The following CCDC171 variants were observed in gnomAD, a reference collection of about 807,000 sequenced individuals.
CCDC171 encodes the protein coiled-coil domain-containing protein 171.
CCDC171 carries 177 observed loss-of-function variants against 168.2 expected under a neutral mutation model. That is an observed-to-expected ratio of 1.05 (90% confidence interval 0.93 to 1.19). The LOEUF is 1.19. CCDC171 is among the 50% of genes most tolerant of loss of function. CCDC171 has a pLI of 0.00. For missense variants in CCDC171, 1,991 were observed against 1,539.0 expected (o/e 1.29, Z -4.91); for synonymous variants, 687 against 540.8 (o/e 1.27, Z -3.75).
intron 23 of CCDC171, among the ~76,000 whole-genome samples, chr9:15,872,747 A>T (rs570421154): frequency 6.6e-6 from 1 of 152,044 alleles, no homozygotes; most frequent in Non-Finnish European, 1.5e-5. Context: ...ACTGTGGTTC[A>T]GAAGGGTAGA....
At chr9:16,078,091 C>G in the CCDC171 span, among the ~76,000 whole-genome samples, 1 of 135,774 alleles carries the variant, frequency 7.4e-6, no homozygotes, top group Non-Finnish European at 1.5e-5. Context: ...CACACACACA[C>G]ACACACACTC....
chr9:15,634,482 C>G (rs1356604532), intron 7 of CCDC171, among the ~76,000 whole-genome samples: 1 of 152,150 alleles, frequency 6.6e-6, no homozygotes, highest in East Asian at 1.9e-4. Context: ...CTCTTCCTCT[C>G]TCTCCATGTG....
chr9:15,661,361 T>C (rs1244536600), intron 8 of CCDC171, among the ~76,000 whole-genome samples: 2 of 151,430 alleles, frequency 1.3e-5, no homozygotes, highest in African/African-American at 4.9e-5. Flanking sequence ...ATGAAAAAAA[T>C]GTAATTTCAA....
chr9:16,068,664 A>T, the CCDC171 span, among the ~76,000 whole-genome samples: 1 of 151,986 alleles, frequency 6.6e-6, no homozygotes, highest in Non-Finnish European at 1.5e-5. Flanking sequence ...CAAACGAGTG[A>T]ATCTACGTAA....
chr9:16,090,776 T>G, the CCDC171 span, among the ~76,000 whole-genome samples: 2 of 152,188 alleles, frequency 1.3e-5, no homozygotes, highest in Non-Finnish European at 2.9e-5. Context: ...AGGAGCTATA[T>G]TCTGATATAA....
At chr9:15,578,277 C>T (rs2040833623) in intron 3 of CCDC171, among the ~76,000 whole-genome samples, 1 of 149,714 alleles carries the variant, frequency 6.7e-6, no homozygotes, top group South Asian at 2.1e-4. Context: ...CTCTGTCCTT[C>T]AGGATGGAGT....
chr9:15,642,174 A>G (rs2046663633), intron 7 of CCDC171, among the ~76,000 whole-genome samples: 1 of 151,814 alleles, frequency 6.6e-6, no homozygotes, highest in South Asian at 2.1e-4. Context: ...AACAAAAAAA[A>G]AGGACTGTTG....
At chr9:15,801,634 T>C (rs537417686) in intron 21 of CCDC171, among the ~76,000 whole-genome samples, 1 of 152,140 alleles carries the variant, frequency 6.6e-6, no homozygotes, top group South Asian at 2.1e-4. Context: ...TTGCTCGAGC[T>C]AGGACTTCCA....
intron 25 of CCDC171, among the ~76,000 whole-genome samples, chr9:15,968,166 T>A (rs1205179451): frequency 6.6e-6 from 1 of 152,208 alleles, no homozygotes; most frequent in Non-Finnish European, 1.5e-5. Flanking sequence ...ATTGAGTAAA[T>A]AAAAGTGCTT....
intron 11 of CCDC171, among the ~76,000 whole-genome samples, chr9:15,714,993 G>T (rs1446719971): frequency 6.6e-6 from 1 of 152,184 alleles, no homozygotes; most frequent in Non-Finnish European, 1.5e-5. Flanking sequence ...GTCTCTGGAA[G>T]TTAATTGCTA....
At chr9:15,799,135 C>CATATAAATATATAT (rs1554820190) in intron 21 of CCDC171, among the ~76,000 whole-genome samples, 1 of 109,024 alleles carries the variant, frequency 9.2e-6, no homozygotes, top group African/African-American at 3.5e-5. Context: ...TCATCATTGC[C>CATATAAATATATAT]ATATATATAT....
chr9:15,686,007 G>T (rs1030743224), intron 10 of CCDC171, among the ~76,000 whole-genome samples: 22 of 151,904 alleles, frequency 1.4e-4, no homozygotes, highest in Admixed American at 1.4e-3. Context: ...AATCTTTTCT[G>T]CCTAATTTGA....
intron 7 of CCDC171, among the ~76,000 whole-genome samples, chr9:15,642,703 CA>C (rs896542687): frequency 1.8e-4 from 28 of 152,052 alleles, no homozygotes; most frequent in African/African-American, 6.5e-4. Context: ...TTGATAGTTT[CA>C]GTAATAATAA....
At chr9:15,938,374 A>T (rs947728588) in intron 25 of CCDC171, among the ~76,000 whole-genome samples, 10 of 151,996 alleles carry the variant, frequency 6.6e-5, no homozygotes, top group Admixed American at 3.3e-4. Context: ...CTGTGCATAC[A>T]CTATTAATAG....
chr9:15,801,651 T>C (rs11521158), intron 21 of CCDC171, among the ~76,000 whole-genome samples: 70,378 of 151,878 alleles, frequency 0.46, 16,482 homozygotes, highest in South Asian at 0.54. Flanking sequence ...TCCAGTACTA[T>C]GTCATGTAAC....
intron 1 of CCDC171, among the ~76,000 whole-genome samples, chr9:16,045,663 C>A (rs1356983114): frequency 6.6e-6 from 1 of 152,214 alleles, no homozygotes; most frequent in African/African-American, 2.4e-5. Flanking sequence ...ACTGCATTCT[C>A]TTCTAGAGCC....
chr9:15,563,031 A>C (rs1293676484), intron 1 of CCDC171, among the ~76,000 whole-genome samples: 2 of 152,116 alleles, frequency 1.3e-5, no homozygotes, highest in African/African-American at 4.8e-5. Context: ...CTTATAGTTC[A>C]GGTTTATGTG....
At chr9:15,581,392 G>A (rs1406295586) in intron 4 of CCDC171, among the ~76,000 whole-genome samples, 9 of 152,130 alleles carry the variant, frequency 5.9e-5, no homozygotes. Flanking sequence ...TCCCCATCAA[G>A]CTACCACTGG....
intron 25 of CCDC171, among the ~76,000 whole-genome samples, chr9:15,956,282 C>A (rs1829788856): frequency 6.6e-6 from 1 of 152,136 alleles, no homozygotes; most frequent in Non-Finnish European, 1.5e-5. Flanking sequence ...TGGGAAATAT[C>A]TGCTGGGATT....
Sources: allele counts gnomAD v4.1 joint callset (sites outside exome capture counted in the v4.1 genomes callset), GRCh38; gene constraint gnomAD v4.1.1; transcripts MANE v1.5; gene names NCBI Gene and HGNC (gene_info 2026-07-23, HGNC 2026-07-21).